The following VIPR2 variants were observed in gnomAD, a reference collection of about 807,000 sequenced individuals.
VIPR2 encodes vasoactive intestinal polypeptide receptor 2.
A neutral mutation model predicts 58.0 loss-of-function variants in VIPR2; 48 were observed. The ratio of observed to expected loss-of-function variants is 0.83; its 90% CI spans 0.66 to 1.05. The LOEUF (loss-of-function observed/expected upper bound fraction) is 1.05. Among genes scored for constraint, VIPR2 ranks in the 50% least tolerant of loss-of-function variants. The pLI is 0.00. For synonymous variants in VIPR2, 243 were observed against 235.2 expected (o/e 1.03, Z -0.30); for missense variants, 534 against 558.0 (o/e 0.96, Z 0.43).
chr7:159,063,937 C>T (rs1301116392), intron 4 of VIPR2, among the ~76,000 whole-genome samples: 3 of 84,392 alleles, frequency 3.6e-5, no homozygotes, highest in Non-Finnish European at 6.9e-5. Flanking sequence ...CTGGTTGGAT[C>T]TGGGGGGCCT....
chr7:159,062,254 G>C (rs1855724886), intron 4 of VIPR2, among the ~76,000 whole-genome samples: 1 of 152,226 alleles, frequency 6.6e-6, no homozygotes, highest in Non-Finnish European at 1.5e-5. Flanking sequence ...GCAGGTGAGA[G>C]AGCAGCGCCA....
At chr7:159,046,969 T>C (rs1396261734) in intron 5 of VIPR2, among the ~76,000 whole-genome samples, 2 of 152,174 alleles carry the variant, frequency 1.3e-5, no homozygotes, top group East Asian at 3.9e-4. Flanking sequence ...GCGCGGTGGC[T>C]CATGCCTGTA....
rs558292695 is a variant in VIPR2 at position 159,095,136 on chromosome 7, C to A, written c.357+8621G>T. 3.3e-5 allele frequency among the ~76,000 whole-genome samples: 5 copies of A among 152,296 alleles called. No homozygotes were observed. Among genetic ancestry groups the A allele is most frequent in the African/African-American group, 1.2e-4 (5 of 41,562 alleles). On this transcript the variant is annotated intron_variant, in intron 4 of 12. Transcript: ENST00000262178. The surrounding 1 kb of genome is among the most constrained non-coding windows in gnomAD (Gnocchi z 5.2). ...ATTAAAGCCGGGGAGCCACCACAAC[C>A]ACACACAGCGCACTATCCTGGCCTG...
chr7:159,040,800 C>T (rs749882976), intron 6 of VIPR2, among the ~76,000 whole-genome samples: 4 of 152,194 alleles, frequency 2.6e-5, no homozygotes, highest in South Asian at 2.1e-4. Context: ...AAAGCCTGAG[C>T]GTTCTTTAGA....
At chr7:159,078,286 T>G (rs564785970) in intron 4 of VIPR2, among the ~76,000 whole-genome samples, 4 of 152,158 alleles carry the variant, frequency 2.6e-5, no homozygotes, top group African/African-American at 9.6e-5. Flanking sequence ...CTAGTAACCT[T>G]TTTTTTTGTT....
At position 159,127,212 on chromosome 7, in the gene VIPR2, C is replaced by T. The variant is rs929511949; in HGVS notation, c.151+15234G>A. ...CCCTCAACAGCCTGATGGTGAACTA[C>T]GGACTGTTGGGAAACGCCATCTCCT... On this transcript the variant is annotated intron_variant, in intron 2 of 12. Coordinates refer to ENST00000262178, the MANE Select transcript of VIPR2 (RefSeq NM_003382.5). This position sits in a 1 kb window ranked among gnomAD's most constrained non-coding sequence, Gnocchi z 4.6. Among the ~76,000 whole-genome samples the T allele has an allele frequency of 7.9e-5, 12 of 152,308 alleles. No individual in the cohort carries two copies. Among genetic ancestry groups the T allele is most frequent in the Admixed American group, 2.0e-4 (3 of 15,304 alleles).
At chr7:159,102,458 G>C (rs1281296507) in intron 4 of VIPR2, among the ~76,000 whole-genome samples, 1 of 152,224 alleles carries the variant, frequency 6.6e-6, no homozygotes, top group East Asian at 1.9e-4. Flanking sequence ...GTCTTTATCA[G>C]CAGTGTGATA....
At chr7:159,069,221 A>T (rs116839757) in intron 4 of VIPR2, among the ~76,000 whole-genome samples, 2,010 of 152,028 alleles carry the variant, frequency 0.013, 34 homozygotes, top group African/African-American at 0.045. Context: ...CTCCCTGCTC[A>T]CTTTTTCTTC....
chr7:159,043,224 G>A (rs1854454839), intron 5 of VIPR2, 48 bp from the exon 6 acceptor site: 1 of 1,431,974 alleles, frequency 7.0e-7, no homozygotes. Flanking sequence ...GGAAGGGGAG[G>A]GAGGGAGAGA....
intron 2 of VIPR2, among the ~76,000 whole-genome samples, chr7:159,121,738 T>C (rs1364856655): frequency 6.6e-6 from 1 of 152,202 alleles, no homozygotes; most frequent in African/African-American, 2.4e-5. Flanking sequence ...ATTTATGATA[T>C]AAACAAATGG....
intron 2 of VIPR2, among the ~76,000 whole-genome samples, chr7:159,124,183 G>A (rs781222943): frequency 9.2e-5 from 14 of 152,110 alleles, no homozygotes; most frequent in Non-Finnish European, 1.6e-4. Flanking sequence ...TGCTTTTGTT[G>A]CAATTGCTTT....
chr7:159,034,152 G>A (rs1853762391), intron 10 of VIPR2, 61 bp downstream of exon 10: 3 of 1,555,840 alleles, frequency 1.9e-6, no homozygotes, highest in South Asian at 2.2e-5. Flanking sequence ...GGCAGCGTGG[G>A]GGTCTCCTGT....
rs998800236 is a variant in VIPR2, at chr7:159,127,567, A to G, written c.151+14879T>C. 6.6e-6 allele frequency among the ~76,000 whole-genome samples: 1 copy of G among 152,182 alleles called. No individual in the cohort carries two copies. Among genetic ancestry groups the G allele is most frequent in the African/African-American group, 2.4e-5 (1 of 41,428 alleles). On this transcript the variant is annotated intron_variant, in intron 2 of 12. Transcript: ENST00000262178. The surrounding 1 kb of genome is among the most constrained non-coding windows in gnomAD (Gnocchi z 4.6). ...CCAATACATGTGGTTGGGATCCCTG[A>G]CCAGCCATCTCTGCCTAAAGAGAAG...
intron 1 of VIPR2, among the ~76,000 whole-genome samples, chr7:159,143,162 C>T (rs568600657): frequency 6.2e-4 from 94 of 152,294 alleles, no homozygotes; most frequent in African/African-American, 2.1e-3. Flanking sequence ...AGTCAGGATC[C>T]ATCAGGGGAG....
At chr7:159,076,542 T>C (rs896717922) in intron 4 of VIPR2, among the ~76,000 whole-genome samples, 2 of 152,248 alleles carry the variant, frequency 1.3e-5, no homozygotes, top group African/African-American at 4.8e-5. Flanking sequence ...TTTTGTATTA[T>C]TGTACCAGAC....
chr7:159,141,468 T>G (rs1276660063), intron 2 of VIPR2, among the ~76,000 whole-genome samples: 1 of 152,258 alleles, frequency 6.6e-6, no homozygotes, highest in East Asian at 1.9e-4. Flanking sequence ...TGGAGACCGC[T>G]GGCCGCCTGT....
In VIPR2 at chr7:159,035,932, C is replaced by A; in HGVS notation, c.809+20G>T. ...GTTGCCGGGCCCGTTTTCGAGGTTG[C>A]AGTCTGGTCATGGACTCACCCGGTG... On this transcript the variant is annotated intron_variant, in intron 8 of 12. Transcript: ENST00000262178. 1 of 1,607,658 alleles carries A rather than the reference C, an allele frequency of 6.2e-7. No individual in the cohort carries two copies. Among genetic ancestry groups the A allele is most frequent in the Non-Finnish European group, 8.5e-7 (1 of 1,175,746 alleles).
intron 4 of VIPR2, among the ~76,000 whole-genome samples, chr7:159,074,619 T>C (rs1235206261): frequency 6.6e-6 from 1 of 152,206 alleles, no homozygotes; most frequent in Non-Finnish European, 1.5e-5. Context: ...GCCTATGATA[T>C]TTGGTTACTG....
rs1365999234 is a variant in VIPR2, at chr7:159,090,474, C to T, written c.357+13283G>A. Among the ~76,000 whole-genome samples, 8 of 64,132 alleles carry T rather than the reference C, an allele frequency of 1.2e-4. 1 individual carries two copies. Among genetic ancestry groups the T allele is most frequent in the African/African-American group, 3.4e-4 (3 of 8,922 alleles). The allele number at this position is 64,132 out of a possible 152,430, so 42.1% of individuals were successfully genotyped here. On this transcript the variant is annotated intron_variant, in intron 4 of 12. Transcript: ENST00000262178. The stretch of plus-strand genomic sequence containing the variant: ...ATCCCCGGTGACCTCAGCACAGACA[C>T]GCTGGGATCACGCACAGGGGCCACC...
Sources: gnomAD v4.1 joint callset for allele counts (sites outside exome capture counted in the v4.1 genomes callset) on GRCh38, gnomAD v4.1.1 for gene constraint, Gnocchi (gnomAD v3.1) non-coding constraint, MANE v1.5 for transcripts, NCBI Gene and HGNC (gene_info 2026-07-23, HGNC 2026-07-21) for gene names.